The following BMPR2 variants were observed in gnomAD, a reference collection of about 807,000 sequenced individuals.
BMPR2 encodes the protein bone morphogenetic protein receptor type-2.
A neutral mutation model predicts 100.8 loss-of-function variants in BMPR2; 29 were observed. The observed-to-expected ratio is 0.29, with a 90% CI of 0.21 to 0.39. The LOEUF is 0.39. Among genes scored for constraint, BMPR2 ranks in the 10% least tolerant of loss-of-function variants. The probability of loss-of-function intolerance (pLI) is 1.00; values close to 1 mark genes in which losing one functional copy is unlikely to be tolerated. For synonymous variants in BMPR2, 382 were observed against 442.3 expected (o/e 0.86, Z 1.71); for missense variants, 1,011 against 1,274.5 (o/e 0.79, Z 3.15).
intron 3 of BMPR2, among the ~76,000 whole-genome samples, chr2:202,485,996 A>G (rs192898992): frequency 5.5e-4 from 84 of 152,138 alleles, no homozygotes; most frequent in Middle Eastern, 3.4e-3. Context: ...GGCCTTTAGG[A>G]TAAAACATCA....
At chr2:202,406,543 A>G (rs1164975013) in intron 1 of BMPR2, among the ~76,000 whole-genome samples, 1 of 152,226 alleles carries the variant, frequency 6.6e-6, no homozygotes, top group African/African-American at 2.4e-5. Context: ...TGGAAAGTGA[A>G]TGTAGTTTCA....
At chr2:202,475,083 G>C (rs1468876492) in intron 3 of BMPR2, 1 of 152,054 alleles carries the variant, frequency 6.6e-6, no homozygotes, top group East Asian at 1.9e-4. Flanking sequence ...ATCCATTTTA[G>C]ATCCTGCCTT....
intron 10 of BMPR2, among the ~76,000 whole-genome samples, chr2:202,547,637 G>A (rs1688398932): frequency 6.8e-6 from 1 of 147,824 alleles, no homozygotes; most frequent in African/African-American, 2.5e-5. Context: ...ACAAAAATGA[G>A]CTGGGTGTGG....
chr2:202,528,048 G>C (rs994124420), intron 7 of BMPR2, among the ~76,000 whole-genome samples: 3 of 152,016 alleles, frequency 2.0e-5, no homozygotes, highest in Admixed American at 1.3e-4. Flanking sequence ...TTAGCTGGCT[G>C]TGGTGGCATG....
chr2:202,562,228 T>C lies in BMPR2; in HGVS notation c.*2282T>C, dbSNP rs1039292779. On this transcript the variant is annotated 3_prime_UTR_variant, in exon 13 of 13. Transcript: ENST00000374580. ...CTGCCAGAAGAGTTATCTTACGTTC[T>C]GCTATATTTGTATTTGGGCCAGTTG... 2 of 152,554 alleles carry C rather than the reference T, an allele frequency of 1.3e-5. No homozygotes were observed. The highest frequency in any genetic ancestry group is 4.8e-5 in the African/African-American group (2 of 41,458). 9.5% of individuals were successfully genotyped at this position (152,554 alleles called of 1,614,324 possible). A position where few individuals can be genotyped will look rare whatever the true frequency, so the allele number is the denominator to read the frequency against.
intron 7 of BMPR2, among the ~76,000 whole-genome samples, chr2:202,530,393 T>A (rs1410703228): frequency 6.6e-6 from 1 of 152,158 alleles, no homozygotes; most frequent in Non-Finnish European, 1.5e-5. Context: ...AGTTTAAGAT[T>A]TACGTTAAAA....
Position 202,532,522 on chromosome 2 carries a change from T to TA in BMPR2, c.1129-61dup. ...TAAGATTTATATATAACTTCTGGTCTAATGTCTGTTCTTCAGAATATGCTA... is the reference window on the plus strand; with the variant it reads ...TAAGATTTATATATAACTTCTGGTCTAAATGTCTGTTCTTCAGAATATGCTA... On this transcript the variant is annotated intron_variant, in intron 8 of 12. Transcript: ENST00000374580. The surrounding 1 kb of genome is among the most constrained non-coding windows in gnomAD (Gnocchi z 4.1). 6.4e-7 allele frequency: 1 copy of TA among 1,566,182 alleles called. No homozygotes were observed. Among genetic ancestry groups the TA allele is most frequent in the South Asian group, 1.1e-5 (1 of 89,694 alleles).
chr2:202,416,681 C>T (rs1461094239), intron 1 of BMPR2, among the ~76,000 whole-genome samples: 1 of 151,896 alleles, frequency 6.6e-6, no homozygotes, highest in Non-Finnish European at 1.5e-5. Flanking sequence ...GCCTCAGCCT[C>T]CCTAAATGCT....
chr2:202,465,936 C>G (rs548882930), intron 2 of BMPR2, among the ~76,000 whole-genome samples: 1 of 152,026 alleles, frequency 6.6e-6, no homozygotes, highest in Non-Finnish European at 1.5e-5. Context: ...TTTTCCATGT[C>G]TTTAAAGAAT....
intron 1 of BMPR2, among the ~76,000 whole-genome samples, chr2:202,431,493 T>C (rs1283453064): frequency 1.3e-5 from 2 of 150,766 alleles, no homozygotes; most frequent in Admixed American, 6.6e-5. Context: ...AAATTGAAAA[T>C]GTAAAACATT....
intron 1 of BMPR2, among the ~76,000 whole-genome samples, chr2:202,437,296 G>T (rs984817317): frequency 6.6e-6 from 1 of 150,518 alleles, no homozygotes; most frequent in Non-Finnish European, 1.5e-5. Flanking sequence ...GAGCCACTGC[G>T]CCCAGCCAAA....
chr2:202,403,515 ATACT>A (rs1690815152), intron 1 of BMPR2, among the ~76,000 whole-genome samples: 1 of 152,140 alleles, frequency 6.6e-6, no homozygotes, highest in South Asian at 2.1e-4. Flanking sequence ...GAACAAAATA[ATACT>A]TAGTTTTTCA....
At chr2:202,494,746 A>C (rs1221228832) in intron 3 of BMPR2, among the ~76,000 whole-genome samples, 3 of 152,254 alleles carry the variant, frequency 2.0e-5, no homozygotes, top group Non-Finnish European at 4.4e-5. Flanking sequence ...AATAGACAAC[A>C]AAAAATAGGA....
intron 1 of BMPR2, among the ~76,000 whole-genome samples, chr2:202,388,802 A>G (rs1459842316): frequency 6.6e-6 from 1 of 151,858 alleles, no homozygotes; most frequent in Non-Finnish European, 1.5e-5. Context: ...AAAAAAAAAA[A>G]GCAAGATTTT....
intron 9 of BMPR2, among the ~76,000 whole-genome samples, chr2:202,540,595 G>A (rs1688251846): frequency 6.6e-6 from 1 of 152,100 alleles, no homozygotes; most frequent in Non-Finnish European, 1.5e-5. Flanking sequence ...TTGGTGGAGG[G>A]CAAGTATTTA....
intron 1 of BMPR2, among the ~76,000 whole-genome samples, chr2:202,456,457 C>T (rs928085766): frequency 1.3e-5 from 2 of 151,046 alleles, no homozygotes; most frequent in Admixed American, 1.3e-4. Flanking sequence ...GGATTACAGG[C>T]GCGAATCACT....
intron 3 of BMPR2, among the ~76,000 whole-genome samples, chr2:202,498,133 CA>C (rs760498688): frequency 4.5e-4 from 69 of 152,292 alleles, no homozygotes; most frequent in Non-Finnish European, 6.3e-4. Flanking sequence ...CTTTATAGGA[CA>C]GGGGTAAAGT....
At chr2:202,540,775 A>G (rs1472669690) in intron 9 of BMPR2, among the ~76,000 whole-genome samples, 1 of 152,202 alleles carries the variant, frequency 6.6e-6, no homozygotes, top group Non-Finnish European at 1.5e-5. Context: ...AACACAGAAT[A>G]GTTAAATGAC....
rs546003753 is a variant in BMPR2, at chr2:202,466,292, A to C, written c.248-1227A>C. ...GTTACTGAATCATTTTTCTTTTTTT[A>C]TTTTTATTTTTTGAGATGGAGTCTC... On this transcript the variant is annotated intron_variant, in intron 2 of 12. Transcript: ENST00000374580. 4.9e-4 allele frequency among the ~76,000 whole-genome samples: 74 copies of C among 151,500 alleles called. 1 individual carries two copies. The highest frequency in any genetic ancestry group is 1.6e-3 in the African/African-American group (65 of 41,322).
Sources: allele counts gnomAD v4.1 joint callset (sites outside exome capture counted in the v4.1 genomes callset), GRCh38; gene constraint gnomAD v4.1.1; non-coding constraint Gnocchi (gnomAD v3.1); transcripts MANE v1.5; gene names NCBI Gene and HGNC (gene_info 2026-07-23, HGNC 2026-07-21).